The following PPFIBP2 variants were observed in gnomAD, a reference collection of about 807,000 sequenced individuals.
PPFIBP2 encodes the protein PPFIB scaffold protein 2, also known as liprin-beta-2.
A neutral mutation model predicts 118.3 loss-of-function variants in PPFIBP2; 118 were observed. That is an observed-to-expected ratio of 1.00 (90% CI 0.86 to 1.16). The LOEUF is 1.16. Ranked by LOEUF, PPFIBP2 falls within the 50% of genes most tolerant of loss-of-function variation. The pLI is 0.00. For missense variants in PPFIBP2, 1,195 were observed against 1,073.1 expected (o/e 1.11, Z -1.59); for synonymous variants, 414 against 397.4 (o/e 1.04, Z -0.50).
intron 5 of PPFIBP2, among the ~76,000 whole-genome samples, chr11:7,600,307 C>A (rs188131628): frequency 6.6e-6 from 1 of 152,188 alleles, no homozygotes; most frequent in African/African-American, 2.4e-5. Context: ...GATCTAAATC[C>A]AAAGTTGAAT....
At chr11:7,551,638 T>G (rs1853011285) in intron 2 of PPFIBP2, among the ~76,000 whole-genome samples, 1 of 152,216 alleles carries the variant, frequency 6.6e-6, no homozygotes, top group Non-Finnish European at 1.5e-5. Flanking sequence ...AGTAACTTTC[T>G]GGGATTTTGA....
intron 3 of PPFIBP2, among the ~76,000 whole-genome samples, chr11:7,582,851 A>G (rs1008425112): frequency 5.3e-5 from 8 of 152,036 alleles, no homozygotes; most frequent in African/African-American, 1.4e-4. Flanking sequence ...CTATCCCAGT[A>G]TCCTGTCCTT....
At chr11:7,665,869 G>A in the PPFIBP2 span, 3 of 1,536,182 alleles carry the variant, frequency 2.0e-6, no homozygotes, top group Non-Finnish European at 2.6e-6. Context: ...TTGTCCGGCA[G>A]GGTGTGGCCT....
the PPFIBP2 span, among the ~76,000 whole-genome samples, chr11:7,662,299 C>G: frequency 1.3e-5 from 2 of 152,202 alleles, no homozygotes; most frequent in Non-Finnish European, 2.9e-5. Flanking sequence ...TTGTTCCTTT[C>G]CATGTTTAGC....
At chr11:7,557,827 C>T (rs1853813229) in intron 2 of PPFIBP2, among the ~76,000 whole-genome samples, 1 of 152,124 alleles carries the variant, frequency 6.6e-6, no homozygotes, top group Non-Finnish European at 1.5e-5. Context: ...CTAATGAACT[C>T]TCAGGTTTTG....
chr11:7,518,015 G>A (rs1590084066), intron 1 of PPFIBP2, among the ~76,000 whole-genome samples: 1 of 152,250 alleles, frequency 6.6e-6, no homozygotes, highest in East Asian at 1.9e-4. Context: ...ACTTGAAACA[G>A]GCGCCAGGTG....
intron 1 of PPFIBP2, among the ~76,000 whole-genome samples, chr11:7,547,540 C>T (rs1852457329): frequency 6.6e-6 from 1 of 152,174 alleles, no homozygotes; most frequent in Non-Finnish European, 1.5e-5. Context: ...CTTCCTCCTG[C>T]TTCCCCCCTT....
At chr11:7,534,547 G>T (rs1427372079) in intron 1 of PPFIBP2, among the ~76,000 whole-genome samples, 2 of 152,120 alleles carry the variant, frequency 1.3e-5, no homozygotes, top group Admixed American at 6.5e-5. Context: ...GGAAAATGAG[G>T]GTAGCTTCCC....
At chr11:7,636,664 G>A (rs78425722) in intron 14 of PPFIBP2, among the ~76,000 whole-genome samples, 5,622 of 152,224 alleles carry the variant, frequency 0.037, 160 homozygotes, top group African/African-American at 0.071. Context: ...AACACACCCA[G>A]CTCACAGGCT....
intron 1 of PPFIBP2, among the ~76,000 whole-genome samples, chr11:7,540,982 T>C (rs1036290065): frequency 6.6e-6 from 1 of 152,116 alleles, no homozygotes; most frequent in African/African-American, 2.4e-5. Flanking sequence ...CCAAAAGGTA[T>C]GTATGGTAAA....
chr11:7,585,351 A>C (rs1009606728), intron 3 of PPFIBP2, among the ~76,000 whole-genome samples: 1 of 152,168 alleles, frequency 6.6e-6, no homozygotes, highest in African/African-American at 2.4e-5. Flanking sequence ...TGGGGAGCCG[A>C]CTGTTTTAGG....
chr11:7,593,249 G>A, intron 4 of PPFIBP2, 25 bp downstream of exon 4: 2 of 1,612,046 alleles, frequency 1.2e-6, no homozygotes, highest in Non-Finnish European at 1.7e-6. Flanking sequence ...GTGAGAATCG[G>A]CTTATCCTGT....
chr11:7,651,418 G>C, intron 22 of PPFIBP2: 1 of 460,268 alleles, frequency 2.2e-6, no homozygotes, highest in Non-Finnish European at 3.9e-6. Context: ...TCACCAAAGA[G>C]GTCCCAGTTC....
At chr11:7,558,525 G>A (rs926252057) in intron 2 of PPFIBP2, among the ~76,000 whole-genome samples, 4 of 152,194 alleles carry the variant, frequency 2.6e-5, no homozygotes, top group Non-Finnish European at 5.9e-5. Context: ...GGAGGCTGAG[G>A]CAGGCAGATC....
rs766651855 is a variant in PPFIBP2 at position 7,648,857 on chromosome 11, A to G, written c.1855A>G (p.Ile619Val). 3 of 1,614,180 alleles carry G rather than the reference A, an allele frequency of 1.9e-6. No homozygotes were observed. The highest frequency in any genetic ancestry group is 2.2e-5 in the South Asian group (2 of 91,084). The change falls in exon 19 of 24, where the codon ATC (isoleucine) becomes GTC (valine). Residue 619 changes from isoleucine (I) to valine (V), a missense_variant. Transcript: ENST00000299492. ...RKKLVLAVKA[I>V]NTKQEEKSAL... is the part of the protein sequence containing the mutation. ...GAAGCTTGTTTTAGCAGTGAAAGCCATCAACACCAAACAGGAGGAGAAGTC... is the reference window on the plus strand; with the variant it reads ...GAAGCTTGTTTTAGCAGTGAAAGCCGTCAACACCAAACAGGAGGAGAAGTC...
At chr11:7,643,503 G>A (rs1445236823) in intron 17 of PPFIBP2, among the ~76,000 whole-genome samples, 1 of 152,212 alleles carries the variant, frequency 6.6e-6, no homozygotes, top group Non-Finnish European at 1.5e-5. Context: ...CCAGCCACAG[G>A]CTGCTTTGTT....
intron 1 of PPFIBP2, among the ~76,000 whole-genome samples, chr11:7,528,525 T>C (rs1850414958): frequency 1.3e-5 from 2 of 152,190 alleles, no homozygotes; most frequent in South Asian, 4.1e-4. Context: ...CAACCAACCT[T>C]ACCTGTTTAG....
At chr11:7,586,296 T>C (rs1266781120) in intron 3 of PPFIBP2, among the ~76,000 whole-genome samples, 1 of 152,230 alleles carries the variant, frequency 6.6e-6, no homozygotes, top group African/African-American at 2.4e-5. Flanking sequence ...GTGAATTAAT[T>C]AAAACTTTTT....
At position 7,641,440 on chromosome 11, in the gene PPFIBP2, A is replaced by T. The variant is rs779468055; in HGVS notation, c.1376-39A>T. On this transcript the variant is annotated intron_variant, in intron 15 of 23. Coordinates refer to ENST00000299492, the MANE Select transcript of PPFIBP2 (RefSeq NM_003621.5). The stretch of plus-strand genomic sequence containing the variant: ...GGGGAAGAAGGGTTCCAGGGGTCAC[A>T]TCCTTACATTCACATTCATTGCCTT... 3 of 1,610,206 alleles carry T rather than the reference A, an allele frequency of 1.9e-6. No individual in the cohort carries two copies. The African/African-American group carries it at 4.0e-5, about 22-fold the overall frequency.
Sources: allele counts gnomAD v4.1 joint callset (sites outside exome capture counted in the v4.1 genomes callset), GRCh38; gene constraint gnomAD v4.1.1; transcripts MANE v1.5; gene names NCBI Gene and HGNC (gene_info 2026-07-23, HGNC 2026-07-21).